Variants in FAM168A observed in about 807,000 individuals in gnomAD.
FAM168A encodes the protein protein FAM168A.
Under a neutral mutation model 28.5 loss-of-function variants are expected in FAM168A, and 3 were observed. That is an observed-to-expected ratio of 0.11 (90% CI 0.05 to 0.27). The LOEUF (loss-of-function observed/expected upper bound fraction) is 0.27, where lower values mean the gene tolerates loss of function less well. FAM168A is among the 10% of genes least tolerant of loss of function. The probability of loss-of-function intolerance (pLI) is 1.00; values close to 1 mark genes in which losing one functional copy is unlikely to be tolerated. For synonymous variants in FAM168A, 122 were observed against 124.2 expected, an observed-to-expected ratio of 0.98 and a Z score of 0.12; for missense variants, 222 against 311.5, an observed-to-expected ratio of 0.71 and a Z score of 2.16.
At chr11:73,563,768 C>CA (rs1943986028) in intron 1 of FAM168A, among the ~76,000 whole-genome samples, 1 of 152,156 alleles carries the variant, frequency 6.6e-6, no homozygotes, top group Non-Finnish European at 1.5e-5. Context: ...TCATAGAGTT[C>CA]AATCATTTAC....
chr11:73,561,791 T>G (rs1943961951), intron 1 of FAM168A, among the ~76,000 whole-genome samples: 1 of 152,162 alleles, frequency 6.6e-6, no homozygotes, highest in Admixed American at 6.5e-5. Context: ...TATATCTGTA[T>G]CAACTAAGGG....
intron 1 of FAM168A, among the ~76,000 whole-genome samples, chr11:73,561,055 C>A (rs1324824017): frequency 7.6e-6 from 1 of 131,024 alleles, no homozygotes; most frequent in African/African-American, 3.4e-5. Flanking sequence ...GAGCAAGACT[C>A]TGTCCCAAAA....
intron 1 of FAM168A, among the ~76,000 whole-genome samples, chr11:73,515,806 G>C (rs1282917487): frequency 6.6e-6 from 1 of 151,976 alleles, no homozygotes; most frequent in Admixed American, 6.6e-5. Context: ...CAGTCTTAAG[G>C]GTCTTAAGAA....
chr11:73,461,928 A>T (rs1050949303), intron 2 of FAM168A, among the ~76,000 whole-genome samples: 2 of 152,200 alleles, frequency 1.3e-5, no homozygotes, highest in Non-Finnish European at 2.9e-5. Flanking sequence ...CATATCCATT[A>T]TGATGGCTAT....
intron 1 of FAM168A, among the ~76,000 whole-genome samples, chr11:73,569,904 G>A (rs1336990496): frequency 7.1e-6 from 1 of 141,496 alleles, no homozygotes; most frequent in Admixed American, 6.7e-5. Flanking sequence ...AAGTATTACA[G>A]CAGGGGAAAA....
chr11:73,490,988 G>A (rs1868120508), intron 1 of FAM168A, among the ~76,000 whole-genome samples: 1 of 152,080 alleles, frequency 6.6e-6, no homozygotes. Context: ...AGGTGCCCCT[G>A]TTCTATGACT....
At chr11:73,504,366 A>G (rs139805816) in intron 1 of FAM168A, among the ~76,000 whole-genome samples, 11,847 of 152,280 alleles carry the variant, frequency 0.078, 558 homozygotes, top group Non-Finnish European at 0.11. Flanking sequence ...ATGCTTCTCA[A>G]AAGAAGACAT....
chr11:73,526,958 A>C lies in FAM168A; in HGVS notation c.-18-58466T>G, dbSNP rs376522483. Reference sequence around the variant, plus strand: ...ACTTGCCAGAGTCTCTGGCTTGAAAAGACTAAGTAGATCACAGGTTAGCTT... The same window carrying C: ...ACTTGCCAGAGTCTCTGGCTTGAAACGACTAAGTAGATCACAGGTTAGCTT... On this transcript the variant is annotated intron_variant, in intron 1 of 7. Coordinates refer to ENST00000356467, the MANE Select transcript of FAM168A (RefSeq NM_015159.3). 2.0e-4 allele frequency among the ~76,000 whole-genome samples: 31 copies of C among 152,112 alleles called. No homozygotes were observed. In the South Asian group the frequency reaches 6.5e-3, roughly 32 times the overall value.
At chr11:73,428,852 T>A (rs1294291534) in intron 3 of FAM168A, among the ~76,000 whole-genome samples, 1 of 152,226 alleles carries the variant, frequency 6.6e-6, no homozygotes, top group Non-Finnish European at 1.5e-5. Context: ...CCAAAGGCAA[T>A]GACTACAGCT....
chr11:73,505,250 A>G (rs1855086253), intron 1 of FAM168A, among the ~76,000 whole-genome samples: 1 of 150,730 alleles, frequency 6.6e-6, no homozygotes, highest in Admixed American at 6.6e-5. Context: ...GGAAAAAAAA[A>G]AAAAAGAGCA....
intron 1 of FAM168A, among the ~76,000 whole-genome samples, chr11:73,581,166 G>A (rs1208785385): frequency 6.6e-6 from 1 of 152,206 alleles, no homozygotes; most frequent in Non-Finnish European, 1.5e-5. Flanking sequence ...ATCAGATGAA[G>A]ACTTCATTGG....
At chr11:73,565,241 T>C (rs1944008292) in intron 1 of FAM168A, among the ~76,000 whole-genome samples, 1 of 152,194 alleles carries the variant, frequency 6.6e-6, no homozygotes, top group Non-Finnish European at 1.5e-5. Context: ...TATTCTGTCA[T>C]TTCCCAGCAT....
In FAM168A at chr11:73,558,930, G is replaced by A. The variant is rs547751089; in HGVS notation, c.-19+38993C>T. 4.6e-5 allele frequency among the ~76,000 whole-genome samples: 7 copies of A among 152,238 alleles called. No homozygotes were observed. The South Asian group carries it at 6.2e-4, about 14-fold the overall frequency. On this transcript the variant is annotated intron_variant, in intron 1 of 7. Transcript: ENST00000356467. ...AAACATAGAATTACCATATGACCCA[G>A]CAATTCCATTCCTAGGTATACACTG...
At chr11:73,458,069 A>G (rs1386054582) in intron 2 of FAM168A, among the ~76,000 whole-genome samples, 5 of 152,240 alleles carry the variant, frequency 3.3e-5, no homozygotes, top group African/African-American at 1.2e-4. Context: ...TAAACTAATA[A>G]TAATTTAATT....
At chr11:73,564,579 A>C (rs932656677) in intron 1 of FAM168A, among the ~76,000 whole-genome samples, 2 of 151,850 alleles carry the variant, frequency 1.3e-5, no homozygotes, top group African/African-American at 2.4e-5. Context: ...TCTACTAAAA[A>C]TACAAAAAAA....
intron 1 of FAM168A, among the ~76,000 whole-genome samples, chr11:73,557,879 T>C (rs1023935905): frequency 6.6e-6 from 1 of 152,220 alleles, no homozygotes; most frequent in African/African-American, 2.4e-5. Context: ...TCTGGCCAAT[T>C]AATTTTCAAC....
At chr11:73,499,563 A>G (rs1854962497) in intron 1 of FAM168A, among the ~76,000 whole-genome samples, 1 of 152,168 alleles carries the variant, frequency 6.6e-6, no homozygotes, top group African/African-American at 2.4e-5. Context: ...AAGATGGGTA[A>G]TAAAAAACTA....
At chr11:73,574,269 G>C (rs1944144168) in intron 1 of FAM168A, among the ~76,000 whole-genome samples, 1 of 152,164 alleles carries the variant, frequency 6.6e-6, no homozygotes, top group African/African-American at 2.4e-5. Flanking sequence ...AGATGGGAAA[G>C]TTGGCTATTA....
At chr11:73,553,900 G>A (rs1943858071) in intron 1 of FAM168A, among the ~76,000 whole-genome samples, 1 of 152,088 alleles carries the variant, frequency 6.6e-6, no homozygotes, top group Non-Finnish European at 1.5e-5. Context: ...GAGGTGGGAG[G>A]ATAGTTTGAG....
Sources: allele counts gnomAD v4.1 joint callset (sites outside exome capture counted in the v4.1 genomes callset), GRCh38; gene constraint gnomAD v4.1.1; transcripts MANE v1.5; gene names NCBI Gene and HGNC (gene_info 2026-07-23, HGNC 2026-07-21).